The following FTO variants were observed in gnomAD, a reference collection of about 807,000 sequenced individuals.
The protein encoded by FTO is FTO alpha-ketoglutarate dependent dioxygenase, also known as alpha-ketoglutarate-dependent dioxygenase FTO.
A neutral mutation model predicts 63.9 loss-of-function variants in FTO; 47 were observed. The observed-to-expected ratio is 0.74, with a 90% CI of 0.58 to 0.94. FTO has a LOEUF of 0.94. Among genes scored for constraint, FTO ranks in the 40% least tolerant of loss-of-function variants. The probability of loss-of-function intolerance (pLI) is 0.00; values close to 1 mark genes in which losing one functional copy is unlikely to be tolerated. For missense variants in FTO, 562 were observed against 618.1 expected (o/e 0.91, Z 0.96); for synonymous variants, 207 against 224.4 (o/e 0.92, Z 0.69).
At chr16:53,759,739 C>A (rs999983547) in intron 1 of FTO, among the ~76,000 whole-genome samples, 3 of 149,660 alleles carry the variant, frequency 2.0e-5, no homozygotes, top group Non-Finnish European at 4.5e-5. Context: ...AATACAGGGT[C>A]ATTTCCTTGA....
At position 53,867,529 on chromosome 16, in the gene FTO, T is replaced by TGTGTGTGTG. The variant is rs1598864565; in HGVS notation, c.896-6257_896-6256insGTGTGTGTG. Among the ~76,000 whole-genome samples the TGTGTGTGTG allele has an allele frequency of 3.8e-4, 51 of 133,032 alleles. 1 individual carries two copies. Among genetic ancestry groups the TGTGTGTGTG allele is most frequent in the Admixed American group, 6.0e-4 (8 of 13,296 alleles). The allele number at this position is 133,032 out of a possible 152,430, so 87.3% of individuals were successfully genotyped here. On this transcript the variant is annotated intron_variant, in intron 4 of 8. Transcript: ENST00000471389. ...TGTGTGTGTGTGTGTGTGTGTGTGT[T>TGTGTGTGTG]TGTGTGTACCTATGTATGCTTATTT... is the stretch of plus-strand genomic sequence containing the variant.
At chr16:53,728,959 T>C (rs1024025568) in intron 1 of FTO, among the ~76,000 whole-genome samples, 1 of 151,358 alleles carries the variant, frequency 6.6e-6, no homozygotes, top group East Asian at 2.0e-4. Context: ...AGACAGGGTT[T>C]CACCATGTTG....
At chr16:53,987,441 G>A (rs1468867038) in intron 8 of FTO, among the ~76,000 whole-genome samples, 1 of 151,814 alleles carries the variant, frequency 6.6e-6, no homozygotes, top group Non-Finnish European at 1.5e-5. Flanking sequence ...AAATTAGCTG[G>A]GCATGGTGGC....
intron 4 of FTO, among the ~76,000 whole-genome samples, chr16:53,848,004 A>G (rs1430164586): frequency 1.3e-5 from 2 of 152,190 alleles, no homozygotes; most frequent in Admixed American, 6.5e-5. Flanking sequence ...TATAGTTGGT[A>G]TCCTACTGAA....
At position 53,767,259 on chromosome 16, in the gene FTO, A is replaced by T. The variant is rs536851649; in HGVS notation, c.46-42881A>T. Among the ~76,000 whole-genome samples, 29 of 152,318 alleles carry T rather than the reference A, an allele frequency of 1.9e-4. 1 individual carries two copies. The East Asian group carries it at 5.0e-3, about 26-fold the overall frequency. On this transcript the variant is annotated intron_variant, in intron 1 of 8. Coordinates refer to ENST00000471389, the MANE Select transcript of FTO (RefSeq NM_001080432.3). ...CAACCCATCACCTTAATCTGACCTT[A>T]AAGATGGGAACCTAATGTTTTTGTT...
intron 8 of FTO, among the ~76,000 whole-genome samples, chr16:53,988,877 T>C (rs1373016027): frequency 6.6e-6 from 1 of 152,232 alleles, no homozygotes; most frequent in African/African-American, 2.4e-5. Context: ...TTTTGTCATC[T>C]GAATCAAACG....
chr16:53,846,332 T>A (rs1047241024), intron 4 of FTO, among the ~76,000 whole-genome samples: 8 of 151,972 alleles, frequency 5.3e-5, no homozygotes, highest in African/African-American at 1.7e-4. Flanking sequence ...ATTGTTTCAT[T>A]TTTTTTTGTA....
chr16:53,827,131 T>C (rs1365615846), intron 3 of FTO, among the ~76,000 whole-genome samples: 1 of 152,140 alleles, frequency 6.6e-6, no homozygotes, highest in Non-Finnish European at 1.5e-5. Flanking sequence ...TTTTAGACCT[T>C]GTTGGGTGGC....
intron 7 of FTO, among the ~76,000 whole-genome samples, chr16:53,913,682 T>A (rs1823651410): frequency 1.3e-5 from 2 of 152,094 alleles, no homozygotes; most frequent in Non-Finnish European, 2.9e-5. Flanking sequence ...GTTTGTTCAT[T>A]TAAAGCCACT....
intron 8 of FTO, among the ~76,000 whole-genome samples, chr16:54,065,408 C>T (rs1380607485): frequency 2.6e-5 from 4 of 152,108 alleles, no homozygotes; most frequent in Admixed American, 6.6e-5. Context: ...AAGCGTTCCA[C>T]TCACCTTGGC....
intron 7 of FTO, among the ~76,000 whole-genome samples, chr16:53,915,200 A>T (rs187029465): frequency 6.6e-6 from 1 of 152,116 alleles, no homozygotes; most frequent in East Asian, 1.9e-4. Flanking sequence ...TTGCTTAAAA[A>T]TTTTCCCTTT....
chr16:53,918,192 A>T (rs1366131431), intron 7 of FTO, among the ~76,000 whole-genome samples: 1 of 152,136 alleles, frequency 6.6e-6, no homozygotes, highest in East Asian at 1.9e-4. Context: ...AATGATGGGG[A>T]TATTTTCCGG....
At chr16:53,738,025 C>CTTTTTTT (rs35487919) in intron 1 of FTO, among the ~76,000 whole-genome samples, 1 of 125,520 alleles carries the variant, frequency 8.0e-6, no homozygotes. Flanking sequence ...ACAATCGTAG[C>CTTTTTTT]TTTTTTTTTT....
intron 1 of FTO, among the ~76,000 whole-genome samples, chr16:53,773,047 AT>A (rs946629924): frequency 7.3e-5 from 11 of 151,128 alleles, no homozygotes; most frequent in African/African-American, 2.2e-4. Context: ...AGTAAAATGT[AT>A]TTCTGGGAAG....
At chr16:53,937,430 C>T (rs146982319) in intron 8 of FTO, 89 of 393,652 alleles carry the variant, frequency 2.3e-4, no homozygotes, top group Admixed American at 8.8e-4. Flanking sequence ...TCTTGACCTG[C>T]GTAGCCCAAA....
chr16:53,994,567 T>C (rs983801607), intron 8 of FTO: 1 of 152,116 alleles, frequency 6.6e-6, no homozygotes, highest in Non-Finnish European at 1.5e-5. Context: ...TTCACTGTAT[T>C]GCCCAGGCTG....
At chr16:53,788,547 G>A (rs577476841) in intron 1 of FTO, among the ~76,000 whole-genome samples, 32 of 147,184 alleles carry the variant, frequency 2.2e-4, no homozygotes, top group Non-Finnish European at 3.6e-4. Context: ...AAATTGCAGT[G>A]AGCTGAGATC....
chr16:54,049,722 G>A (rs2085269758), intron 8 of FTO, among the ~76,000 whole-genome samples: 1 of 152,182 alleles, frequency 6.6e-6, no homozygotes, highest in Non-Finnish European at 1.5e-5. Context: ...TTCCCTTCAG[G>A]CAGAATGTAG....
chr16:53,811,465 A>G (rs1006598394), intron 2 of FTO, among the ~76,000 whole-genome samples: 1 of 152,148 alleles, frequency 6.6e-6, no homozygotes, highest in African/African-American at 2.4e-5. Flanking sequence ...TTCTAGCTCA[A>G]TATTATTTCT....
Sources: gnomAD v4.1 joint callset for allele counts (sites outside exome capture counted in the v4.1 genomes callset) on GRCh38, gnomAD v4.1.1 for gene constraint, MANE v1.5 for transcripts, NCBI Gene and HGNC (gene_info 2026-07-23, HGNC 2026-07-21) for gene names.